Variants in NFIB observed in about 807,000 individuals in gnomAD.
NFIB encodes the protein nuclear factor I B.
NFIB carries 11 observed loss-of-function variants against 61.5 expected under a neutral mutation model. The ratio of observed to expected loss-of-function variants is 0.18; its 90% CI spans 0.11 to 0.30. NFIB has a LOEUF of 0.30. Ranked by LOEUF, NFIB falls within the 10% of genes least tolerant of loss-of-function variation. The pLI, the probability that NFIB is intolerant of heterozygous loss-of-function variation, is 1.00. For synonymous variants in NFIB, 260 were observed against 216.5 expected (o/e 1.20, Z -1.76); for missense variants, 471 against 608.9 (o/e 0.77, Z 2.38).
chr9:14,228,028 T>C (rs1457225041), intron 2 of NFIB, among the ~76,000 whole-genome samples: 2 of 152,190 alleles, frequency 1.3e-5, no homozygotes, highest in African/African-American at 4.8e-5. Context: ...CTTCCTTTAA[T>C]CAGATGACTC....
intron 3 of NFIB, among the ~76,000 whole-genome samples, chr9:14,169,728 G>C (rs2045351490): frequency 6.6e-6 from 1 of 152,216 alleles, no homozygotes; most frequent in Non-Finnish European, 1.5e-5. Context: ...TGAGGCAGGA[G>C]AATTGCTTGA....
chr9:14,303,393 T>C (rs560082268), intron 2 of NFIB, among the ~76,000 whole-genome samples: 1 of 152,338 alleles, frequency 6.6e-6, no homozygotes, highest in African/African-American at 2.4e-5. Flanking sequence ...GGTTTTGTTT[T>C]TGCTTTGCTT....
At chr9:14,174,085 T>C (rs1464013633) in intron 3 of NFIB, among the ~76,000 whole-genome samples, 1 of 152,188 alleles carries the variant, frequency 6.6e-6, no homozygotes, top group East Asian at 1.9e-4. Flanking sequence ...AATCCTATTC[T>C]AAATTTGAAC....
At chr9:14,178,101 T>C (rs1755348972) in intron 3 of NFIB, among the ~76,000 whole-genome samples, 1 of 152,188 alleles carries the variant, frequency 6.6e-6, no homozygotes, top group Admixed American at 6.5e-5. Flanking sequence ...AGCTATCAAC[T>C]CTTTTTCTAC....
intron 2 of NFIB, among the ~76,000 whole-genome samples, chr9:14,251,193 CAA>C (rs1261471872): frequency 1.3e-5 from 2 of 152,178 alleles, no homozygotes; most frequent in African/African-American, 2.4e-5. Flanking sequence ...GTTTGTTTTA[CAA>C]GAGAGGAACT....
At chr9:14,306,120 G>C (rs13298910) in intron 2 of NFIB, 1 of 409,442 alleles carries the variant, frequency 2.4e-6, no homozygotes, top group Non-Finnish European at 4.1e-6. Context: ...TAGGTAAAAT[G>C]TATACCATTC....
chr9:14,199,257 G>A (rs935712939), intron 2 of NFIB, among the ~76,000 whole-genome samples: 15 of 152,210 alleles, frequency 9.9e-5, no homozygotes, highest in African/African-American at 3.1e-4. Flanking sequence ...GGAAGGCAAG[G>A]CCAGGACACA....
chr9:14,227,550 A>T (rs1156463458), intron 2 of NFIB, among the ~76,000 whole-genome samples: 1 of 152,198 alleles, frequency 6.6e-6, no homozygotes, highest in African/African-American at 2.4e-5. Context: ...TTTTCCCTGA[A>T]CCTAAGTAAT....
chr9:14,091,896 G>A (rs1458825862), intron 10 of NFIB, among the ~76,000 whole-genome samples: 2 of 152,012 alleles, frequency 1.3e-5, no homozygotes, highest in African/African-American at 2.4e-5. Context: ...TAATGAGATA[G>A]TTCATTATAA....
chr9:14,154,232 T>C (rs723968), intron 4 of NFIB, among the ~76,000 whole-genome samples: 27,567 of 152,004 alleles, frequency 0.18, 2,751 homozygotes, highest in South Asian at 0.34. Flanking sequence ...AGGTACTAAA[T>C]AAATATTTTC....
chr9:14,303,029 A>G (rs2059832577), intron 2 of NFIB, among the ~76,000 whole-genome samples: 1 of 152,234 alleles, frequency 6.6e-6, no homozygotes, highest in South Asian at 2.1e-4. Context: ...CAGAATCGAG[A>G]AATTCCAGAA....
the NFIB span, among the ~76,000 whole-genome samples, chr9:14,494,717 G>A: frequency 6.6e-6 from 1 of 152,094 alleles, no homozygotes; most frequent in Admixed American, 6.5e-5. Context: ...AAATGTACCT[G>A]GGCTCTTTCT....
chr9:14,176,407 T>A (rs571608243), intron 3 of NFIB, among the ~76,000 whole-genome samples: 1 of 152,288 alleles, frequency 6.6e-6, no homozygotes. Context: ...TTGGGTGCTA[T>A]CTGAGTTGTA....
the NFIB span, among the ~76,000 whole-genome samples, chr9:14,438,975 G>C: frequency 6.6e-6 from 1 of 152,176 alleles, no homozygotes; most frequent in Non-Finnish European, 1.5e-5. Context: ...TTAAGATTCT[G>C]AGGTTTTAAG....
the NFIB span, among the ~76,000 whole-genome samples, chr9:14,441,726 C>A: frequency 6.6e-6 from 1 of 151,982 alleles, no homozygotes; most frequent in Non-Finnish European, 1.5e-5. Flanking sequence ...GTGAATGGGC[C>A]GTGGAAGAGA....
intron 2 of NFIB, among the ~76,000 whole-genome samples, chr9:14,278,632 G>A (rs921976714): frequency 6.6e-6 from 1 of 152,130 alleles, no homozygotes; most frequent in Non-Finnish European, 1.5e-5. Context: ...GAATGTGGGC[G>A]GGAAGCTGGG....
intron 6 of NFIB, among the ~76,000 whole-genome samples, chr9:14,133,454 T>A (rs1209836865): frequency 3.9e-5 from 6 of 152,192 alleles, no homozygotes; most frequent in African/African-American, 1.4e-4. Flanking sequence ...TTAAAATAAA[T>A]AAGGTAGTAA....
chr9:14,188,909 T>A (rs895321035), intron 2 of NFIB, among the ~76,000 whole-genome samples: 4 of 152,194 alleles, frequency 2.6e-5, no homozygotes, highest in African/African-American at 9.6e-5. Context: ...AAAACCAGAA[T>A]GTCATCAGAC....
intron 2 of NFIB, among the ~76,000 whole-genome samples, chr9:14,231,653 T>C (rs943624039): frequency 1.3e-5 from 2 of 152,204 alleles, no homozygotes; most frequent in Non-Finnish European, 2.9e-5. Flanking sequence ...TTTATATTAA[T>C]GAGAGGTTTA....
Sources: allele counts gnomAD v4.1 joint callset (sites outside exome capture counted in the v4.1 genomes callset), GRCh38; gene constraint gnomAD v4.1.1; transcripts MANE v1.5; gene names NCBI Gene and HGNC (gene_info 2026-07-23, HGNC 2026-07-21).